Variants in CCDC171 observed in about 807,000 individuals in gnomAD.
The protein encoded by CCDC171 is coiled-coil domain containing 171, also known as coiled-coil domain-containing protein 171.
In CCDC171, 177 loss-of-function variants were observed where a neutral mutation model predicts 168.2. The ratio of observed to expected loss-of-function variants is 1.05; its 90% CI spans 0.93 to 1.19. The LOEUF (loss-of-function observed/expected upper bound fraction) is 1.19. CCDC171 is among the 50% of genes most tolerant of loss of function. CCDC171 has a pLI of 0.00. For missense variants in CCDC171, 1,991 were observed against 1,539.0 expected, an observed-to-expected ratio of 1.29 and a Z score of -4.91; for synonymous variants, 687 against 540.8, an observed-to-expected ratio of 1.27 and a Z score of -3.75.
chr9:15,720,399 C>G (rs1588133057), intron 11 of CCDC171, among the ~76,000 whole-genome samples: 1 of 152,082 alleles, frequency 6.6e-6, no homozygotes, highest in Non-Finnish European at 1.5e-5. Flanking sequence ...AAGACAGAGG[C>G]TATACCTTTC....
chr9:16,050,940 C>T (rs1421967575), intron 1 of CCDC171, among the ~76,000 whole-genome samples: 2 of 152,150 alleles, frequency 1.3e-5, no homozygotes, highest in Non-Finnish European at 2.9e-5. Flanking sequence ...TTATACATGT[C>T]ACTTTTTGAC....
upstream of CCDC171, among the ~76,000 whole-genome samples, chr9:16,039,509 G>A (rs896930707): frequency 3.3e-5 from 5 of 152,188 alleles, no homozygotes; most frequent in Non-Finnish European, 7.3e-5. Context: ...TGGCTCAGAG[G>A]AGGCTGATTA....
chr9:15,969,006 G>A (rs1006748970), intron 25 of CCDC171, among the ~76,000 whole-genome samples: 1 of 152,030 alleles, frequency 6.6e-6, no homozygotes, highest in Non-Finnish European at 1.5e-5. Flanking sequence ...TATACTTTTG[G>A]GGGGTACAAG....
At chr9:15,814,219 C>G (rs1434136933) in intron 21 of CCDC171, among the ~76,000 whole-genome samples, 2 of 152,212 alleles carry the variant, frequency 1.3e-5, no homozygotes, top group African/African-American at 4.8e-5. Flanking sequence ...GCTGGGTCAT[C>G]TTCTGAAAAT....
intron 18 of CCDC171, among the ~76,000 whole-genome samples, chr9:15,772,823 C>T (rs182979507): frequency 2.0e-5 from 3 of 152,068 alleles, no homozygotes; most frequent in Admixed American, 2.0e-4. Context: ...TAGATATGGC[C>T]ATGACTACAG....
At chr9:15,837,269 C>G (rs928693478) in intron 21 of CCDC171, among the ~76,000 whole-genome samples, 1 of 152,158 alleles carries the variant, frequency 6.6e-6, no homozygotes, top group African/African-American at 2.4e-5. Context: ...AGCATCACCA[C>G]TAGATGGCGA....
chr9:15,705,110 A>ACACACACACACTCT (rs758775956), intron 11 of CCDC171, among the ~76,000 whole-genome samples: 9 of 151,670 alleles, frequency 5.9e-5, no homozygotes, highest in Non-Finnish European at 2.9e-5. Flanking sequence ...ACACACACAC[A>ACACACACACACTCT]CACACACACA....
intron 8 of CCDC171, chr9:16,036,310 C>G (rs993246981): frequency 6.6e-6 from 1 of 152,134 alleles, no homozygotes; most frequent in East Asian, 1.9e-4. Context: ...CCATGATGGC[C>G]CAAGAACAGC....
chr9:15,653,554 T>C (rs2047694193), intron 7 of CCDC171, among the ~76,000 whole-genome samples: 1 of 152,188 alleles, frequency 6.6e-6, no homozygotes, highest in Non-Finnish European at 1.5e-5. Context: ...ATTTCACACA[T>C]ACATGAAAGT....
chr9:16,048,556 C>T (rs537421766), intron 1 of CCDC171, among the ~76,000 whole-genome samples: 3 of 152,284 alleles, frequency 2.0e-5, no homozygotes, highest in African/African-American at 7.2e-5. Flanking sequence ...GAGATTAAGA[C>T]CACAGATTTG....
intron 8 of CCDC171, among the ~76,000 whole-genome samples, chr9:15,662,059 T>C (rs945787747): frequency 7.2e-5 from 11 of 152,184 alleles, no homozygotes; most frequent in African/African-American, 2.4e-4. Context: ...GGCAGATCAC[T>C]TGAGGCCAGG....
In CCDC171 at chr9:15,991,142, C is replaced by G. The variant is rs149756574; in HGVS notation, n.369-29447C>G. On this transcript the variant is annotated intron_variant and non_coding_transcript_variant, in intron 3 of 9. Coordinates refer to the CCDC171 transcript ENST00000486641. Reference sequence around the variant, plus strand: ...ATATACATTCTTCTCAGCACCACATCGCACTTATTCCAAAATTGACCACAT... The same window carrying G: ...ATATACATTCTTCTCAGCACCACATGGCACTTATTCCAAAATTGACCACAT... 6.1e-3 allele frequency among the ~76,000 whole-genome samples: 926 copies of G among 152,264 alleles called. 12 individuals carry two copies. The highest frequency in any genetic ancestry group is 0.022 in the African/African-American group (901 of 41,536).
In CCDC171 at chr9:15,923,375, A is replaced by T. The variant is rs549717922; in HGVS notation, c.3753+2953A>T. Reference sequence around the variant, plus strand: ...GACAACATGGATGAATCTGTAGGACATTATGTTAAATGAAATAAGCCAGGC... The same window carrying T: ...GACAACATGGATGAATCTGTAGGACTTTATGTTAAATGAAATAAGCCAGGC... On this transcript the variant is annotated intron_variant, in intron 25 of 25. Coordinates refer to ENST00000380701, the MANE Select transcript of CCDC171 (RefSeq NM_173550.4). Among the ~76,000 whole-genome samples, 252 of 151,454 alleles carry T rather than the reference A, an allele frequency of 1.7e-3. 1 individual carries two copies. The highest frequency in any genetic ancestry group is 6.9e-3 in the Middle Eastern group (2 of 290).
chr9:15,800,961 A>G (rs2058793739), intron 21 of CCDC171, among the ~76,000 whole-genome samples: 1 of 151,930 alleles, frequency 6.6e-6, no homozygotes. Context: ...TATTCATTCC[A>G]TTGGTCTGTG....
chr9:15,793,634 C>T (rs965729387), intron 21 of CCDC171, among the ~76,000 whole-genome samples: 1 of 134,394 alleles, frequency 7.4e-6, no homozygotes, highest in Non-Finnish European at 1.5e-5. Context: ...ACTGCAAGCT[C>T]TACTCTCCAG....
At chr9:15,902,618 T>C (rs1311921301) in intron 24 of CCDC171, among the ~76,000 whole-genome samples, 1 of 152,088 alleles carries the variant, frequency 6.6e-6, no homozygotes, top group Non-Finnish European at 1.5e-5. Flanking sequence ...ATGCAGAAGA[T>C]AGGTGATTTC....
chr9:15,884,171 C>T (rs1819075182), intron 24 of CCDC171, among the ~76,000 whole-genome samples: 1 of 152,112 alleles, frequency 6.6e-6, no homozygotes. Context: ...TCACTATTTT[C>T]TGTGACCCCT....
At chr9:15,587,635 T>C in intron 4 of CCDC171, 1 of 456,688 alleles carries the variant, frequency 2.2e-6, no homozygotes. Context: ...GCCATCCAGA[T>C]CCTTCTCCAG....
chr9:15,772,029 T>C (rs1330935839), intron 18 of CCDC171, among the ~76,000 whole-genome samples: 5 of 152,154 alleles, frequency 3.3e-5, no homozygotes. Flanking sequence ...TGACGGGGTT[T>C]CTCTGTGTTG....
Sources: gnomAD v4.1 joint callset for allele counts (sites outside exome capture counted in the v4.1 genomes callset) on GRCh38, gnomAD v4.1.1 for gene constraint, MANE v1.5 for transcripts, NCBI Gene and HGNC (gene_info 2026-07-23, HGNC 2026-07-21) for gene names.